GNS: variants seen among roughly 807,000 people sequenced by gnomAD.
GNS encodes the protein N-acetylglucosamine-6-sulfatase.
A neutral mutation model predicts 69.7 loss-of-function variants in GNS; 40 were observed. The observed-to-expected ratio is 0.57, with a 90% CI of 0.45 to 0.75. The LOEUF (loss-of-function observed/expected upper bound fraction) is 0.75. Ranked by LOEUF, GNS falls within the 30% of genes least tolerant of loss-of-function variation. GNS has a pLI of 0.00. For missense variants in GNS, 565 were observed against 685.5 expected, an observed-to-expected ratio of 0.82 and a Z score of 1.96; for synonymous variants, 243 against 251.6, an observed-to-expected ratio of 0.97 and a Z score of 0.32.
At chr12:64,723,513 T>A (rs1869098025) in intron 10 of GNS, among the ~76,000 whole-genome samples, 1 of 152,174 alleles carries the variant, frequency 6.6e-6, no homozygotes, top group Admixed American at 6.5e-5. Context: ...TATAACCTAA[T>A]AGACACAAGG....
chr12:64,755,038 A>C (rs1020495253), intron 1 of GNS, among the ~76,000 whole-genome samples: 6 of 152,206 alleles, frequency 3.9e-5, no homozygotes, highest in Non-Finnish European at 2.9e-5. Context: ...TATGCTAATT[A>C]GAATGTAAAA....
chr12:64,713,582 G>C lies in GNS; in HGVS notation c.*3159C>G, dbSNP rs919575309. On this transcript the variant is annotated 3_prime_UTR_variant, in exon 14 of 14. Coordinates refer to ENST00000258145, the MANE Select transcript of GNS (RefSeq NM_002076.4). ...ATAGGAACAGAGGATGCAAACACAG[G>C]AAGTTACAAAATTCAGTGGGAACTA... 2.6e-5 allele frequency: 4 copies of C among 152,584 alleles called. No homozygotes were observed. Among genetic ancestry groups the C allele is most frequent in the Non-Finnish European group, 5.9e-5 (4 of 68,036 alleles). 9.5% of individuals were successfully genotyped at this position (152,584 alleles called of 1,614,324 possible).
chr12:64,757,558 G>A (rs1351662212), intron 1 of GNS, among the ~76,000 whole-genome samples: 1 of 152,172 alleles, frequency 6.6e-6, no homozygotes, highest in Non-Finnish European at 1.5e-5. Context: ...AGACAATGAA[G>A]CATATATGGC....
chr12:64,737,149 G>A (rs1355626101), intron 8 of GNS, 42 bp from the exon 9 acceptor site: 4 of 1,012,458 alleles, frequency 4.0e-6, no homozygotes, highest in Non-Finnish European at 6.3e-6. Flanking sequence ...GCCAAGACAG[G>A]AGCCTTGCTC....
At chr12:64,752,424 T>C (rs1409964152) in intron 2 of GNS, among the ~76,000 whole-genome samples, 1 of 152,268 alleles carries the variant, frequency 6.6e-6, no homozygotes, top group Non-Finnish European at 1.5e-5. Context: ...TACATATTCC[T>C]TGATTTTTTA....
At position 64,720,201 on chromosome 12, in the gene GNS, T is replaced by A. The variant is rs2136236660; in HGVS notation, c.1420-19A>T. On this transcript the variant is annotated intron_variant, in intron 12 of 13. Transcript: ENST00000258145. The stretch of plus-strand genomic sequence containing the variant: ...CAAACACCTAGAGGACATGAAAGAA[T>A]GGAGGAAAGAAAAGAGCAAAGGTTA... 1 of 1,551,452 alleles carries A rather than the reference T, an allele frequency of 6.4e-7. No homozygotes were observed. Among genetic ancestry groups the A allele is most frequent in the Non-Finnish European group, 8.9e-7 (1 of 1,124,630 alleles).
At position 64,720,202 on chromosome 12, in the gene GNS, G is replaced by A; in HGVS notation, c.1420-20C>T. The A allele has an allele frequency of 6.5e-7, 1 of 1,548,966 alleles. No individual in the cohort carries two copies. Among genetic ancestry groups the A allele is most frequent in the Non-Finnish European group, 8.9e-7 (1 of 1,121,516 alleles). On this transcript the variant is annotated intron_variant, in intron 12 of 13. Coordinates refer to ENST00000258145, the MANE Select transcript of GNS (RefSeq NM_002076.4). ...AAACACCTAGAGGACATGAAAGAAT[G>A]GAGGAAAGAAAAGAGCAAAGGTTAG...
At position 64,721,702 on chromosome 12, in the gene GNS, A is replaced by G. The variant is rs747581745; in HGVS notation, c.1312T>C (p.Cys438Arg). 7.0e-7 allele frequency: 1 copy of G among 1,438,176 alleles called. No individual in the cohort carries two copies. Among genetic ancestry groups the G allele is most frequent in the Non-Finnish European group, 9.8e-7 (1 of 1,019,196 alleles). 89.1% of individuals were successfully genotyped at this position (1,438,176 alleles called of 1,614,324 possible). Reference sequence around the variant, plus strand: ...TCTTCACATACACAGTCTGGGAAGCATTGCTGTAGGGATATTTCAAAAGTT... The same window carrying G: ...TCTTCACATACACAGTCTGGGAAGCGTTGCTGTAGGGATATTTCAAAAGTT... ...CPSLSPGVSQCFPDCVCEDAY... is the reference protein window; with the variant it reads ...CPSLSPGVSQRFPDCVCEDAY... The change falls in exon 12 of 14, where the codon TGC becomes CGC. Residue 438 changes from cysteine to arginine, a missense_variant. Physicochemically the swap from Cys to Arg is radical, Grantham distance 180. Transcript: ENST00000258145.
intron 9 of GNS, among the ~76,000 whole-genome samples, chr12:64,734,435 C>T (rs1869498585): frequency 6.6e-6 from 1 of 152,180 alleles, no homozygotes; most frequent in South Asian, 2.1e-4. Flanking sequence ...GATTATGAAG[C>T]GACTTCCCAG....
At chr12:64,747,619 TC>T (rs537134393) in intron 3 of GNS, 92 bp downstream of exon 3, 24 of 791,284 alleles carry the variant, frequency 3.0e-5, no homozygotes, top group Middle Eastern at 6.8e-4. Context: ...TACCAAGAAA[TC>T]CTTTAACATT....
chr12:64,758,298 T>A (rs1870330423), intron 1 of GNS, among the ~76,000 whole-genome samples: 1 of 148,608 alleles, frequency 6.7e-6, no homozygotes, highest in African/African-American at 2.5e-5. Context: ...CCAGATTAGT[T>A]CACTTCAGGC....
intron 7 of GNS, 105 bp from the exon 8 acceptor site, chr12:64,739,604 C>A: frequency 2.0e-5 from 13 of 644,128 alleles, no homozygotes; most frequent in East Asian, 2.8e-5. Flanking sequence ...AAGACACCCC[C>A]GTTTAAAAAA....
chr12:64,751,951 CAAAAAAAA>C (rs570528616), intron 2 of GNS, among the ~76,000 whole-genome samples: 3 of 64,826 alleles, frequency 4.6e-5, no homozygotes, highest in African/African-American at 1.9e-4. Context: ...TTGCGCCACT[CAAAAAAAA>C]AAAAAAAAAA....
rs556636087 is a variant in GNS at position 64,740,637 on chromosome 12, T to C, written c.844A>G (p.Ile282Val). 6.3e-7 allele frequency: 1 copy of C among 1,584,196 alleles called. No homozygotes were observed. Among genetic ancestry groups the C allele is most frequent in the Non-Finnish European group, 8.7e-7 (1 of 1,152,826 alleles). ...QAKTPMTNSS[I>V]QFLDNAFRKR... ...CTAAATGCATTATCTAAAAACTGTATTGAAGAATTAGTCATTGGAGTCTTG... is the reference window on the plus strand; with the variant it reads ...CTAAATGCATTATCTAAAAACTGTACTGAAGAATTAGTCATTGGAGTCTTG... The change falls in exon 7 of 14, where the codon ATA (isoleucine) becomes GTA (valine). Residue 282 changes from isoleucine (I) to valine (V), a missense_variant. Coordinates refer to ENST00000258145, the MANE Select transcript of GNS (RefSeq NM_002076.4).
intron 8 of GNS, among the ~76,000 whole-genome samples, chr12:64,737,731 C>T (rs1009081251): frequency 2.6e-5 from 4 of 152,202 alleles, no homozygotes; most frequent in African/African-American, 9.7e-5. Context: ...CCAGATGCCA[C>T]GGGCCTCATG....
intron 2 of GNS, among the ~76,000 whole-genome samples, chr12:64,751,360 T>C (rs576199040): frequency 1.3e-4 from 20 of 152,332 alleles, no homozygotes; most frequent in Non-Finnish European, 2.4e-4. Flanking sequence ...GTTTCTTAGA[T>C]AGAAAATCCA....
In GNS at chr12:64,758,502, T is replaced by C. The variant is rs576239308; in HGVS notation, c.192+583A>G. On this transcript the variant is annotated intron_variant, in intron 1 of 13. Coordinates refer to ENST00000258145, the MANE Select transcript of GNS (RefSeq NM_002076.4). ...CACGCCCAGCTAGAATTATTGTATT[T>C]CTAGTAGAGACGGGGTTTCACCATG... 3.3e-5 allele frequency among the ~76,000 whole-genome samples: 5 copies of C among 152,120 alleles called. No homozygotes were observed. In the South Asian group the frequency reaches 1.0e-3, roughly 32 times the overall value.
chr12:64,741,587 A>G (rs918538704), intron 6 of GNS, among the ~76,000 whole-genome samples: 1 of 151,868 alleles, frequency 6.6e-6, no homozygotes, highest in African/African-American at 2.4e-5. Flanking sequence ...TACCTGGTCT[A>G]CCTTCCTCTA....
chr12:64,720,084 CCGATAGTT>C lies in GNS; in HGVS notation c.1510_1517del (p.Asn504ValfsTer19). 1 of 1,610,806 alleles carries C rather than the reference CCGATAGTT, an allele frequency of 6.2e-7. No individual in the cohort carries two copies. The highest frequency in any genetic ancestry group is 1.1e-5 in the South Asian group (1 of 91,024). ...CAGAACAGGACTGTAACATCATTAA[CCGATAGTT>C]CATCTTTCCTAAAAGCTCTGGGTCT... On this transcript the variant is annotated frameshift_variant, in exon 13 of 14. Coordinates refer to ENST00000258145, the MANE Select transcript of GNS (RefSeq NM_002076.4). LOFTEE classifies it high-confidence loss of function.
Sources: gnomAD v4.1 joint callset for allele counts (sites outside exome capture counted in the v4.1 genomes callset) on GRCh38, gnomAD v4.1.1 for gene constraint, MANE v1.5 for transcripts, NCBI Gene and HGNC (gene_info 2026-07-23, HGNC 2026-07-21) for gene names.